The following TGIF2 variants were observed in gnomAD, a reference collection of about 807,000 sequenced individuals.
TGIF2 encodes TGFB induced factor homeobox 2, also known as homeobox protein TGIF2.
Under a neutral mutation model 15.1 loss-of-function variants are expected in TGIF2, and 5 were observed. The observed-to-expected ratio is 0.33, with a 90% CI of 0.17 to 0.70. The LOEUF (loss-of-function observed/expected upper bound fraction) is 0.70. Ranked by LOEUF, TGIF2 falls within the 30% of genes least tolerant of loss-of-function variation. The pLI is 0.67. For synonymous variants in TGIF2, 131 were observed against 128.9 expected, an observed-to-expected ratio of 1.02 and a Z score of -0.11; for missense variants, 264 against 302.5, an observed-to-expected ratio of 0.87 and a Z score of 0.94.
chr20:36,586,696 C>CA (rs1397509937), intron 2 of TGIF2, among the ~76,000 whole-genome samples: 6 of 142,082 alleles, frequency 4.2e-5, no homozygotes, highest in South Asian at 2.4e-4. Context: ...CTCCATTTCC[C>CA]CCCCCCCAAA....
intron 2 of TGIF2, among the ~76,000 whole-genome samples, chr20:36,585,479 A>C (rs886594182): frequency 2.0e-5 from 3 of 151,032 alleles, no homozygotes; most frequent in South Asian, 2.1e-4. Flanking sequence ...AAAAAAAAAA[A>C]AAAAAAAAAC....
intron 1 of TGIF2, among the ~76,000 whole-genome samples, chr20:36,578,224 C>T (rs1767255110): frequency 6.6e-6 from 1 of 151,794 alleles, no homozygotes; most frequent in South Asian, 2.1e-4. Context: ...CCAGCCTGGC[C>T]AATATGGTGA....
chr20:36,580,503 C>A (rs1292024944), intron 2 of TGIF2, among the ~76,000 whole-genome samples: 2 of 151,852 alleles, frequency 1.3e-5, no homozygotes, highest in South Asian at 2.1e-4. Context: ...GAGAAAGGGA[C>A]GAGAAGAAGA....
chr20:36,578,437 A>G (rs2038476416), intron 1 of TGIF2, among the ~76,000 whole-genome samples: 1 of 152,042 alleles, frequency 6.6e-6, no homozygotes, highest in African/African-American at 2.4e-5. Flanking sequence ...AAGAAAAGAA[A>G]AAACCAAATG....
chr20:36,574,465 G>A (rs1372152015), intron 1 of TGIF2: 1 of 149,720 alleles, frequency 6.7e-6, no homozygotes, highest in East Asian at 2.0e-4. Flanking sequence ...GCGCGGAGGT[G>A]GGAGCCCAGC....
At chr20:36,581,895 C>T (rs2038553263) in intron 2 of TGIF2, among the ~76,000 whole-genome samples, 1 of 152,128 alleles carries the variant, frequency 6.6e-6, no homozygotes, top group South Asian at 2.1e-4. Context: ...TCCCAAAGTG[C>T]TGGGATTACA....
At chr20:36,579,194 C>T (rs1393709434) in intron 2 of TGIF2, among the ~76,000 whole-genome samples, 1 of 151,860 alleles carries the variant, frequency 6.6e-6, no homozygotes, top group Non-Finnish European at 1.5e-5. Context: ...TTTTTTGAGA[C>T]GGAGTCTTGC....
rs528805182 is a variant in TGIF2, at chr20:36,575,555, C to G, written c.-35+1810C>G. Among the ~76,000 whole-genome samples, 13 of 152,318 alleles carry G rather than the reference C, an allele frequency of 8.5e-5. No homozygotes were observed. In the East Asian group the frequency reaches 2.5e-3, roughly 29 times the overall value. On this transcript the variant is annotated intron_variant, in intron 1 of 2. Coordinates refer to ENST00000373872, the MANE Select transcript of TGIF2 (RefSeq NM_021809.7). ...AGAAAGCAGCCTGCAGTGGTGCTCTCTGAGGAGTGGCACGTCTAACCAGTG... is the reference window on the plus strand; with the variant it reads ...AGAAAGCAGCCTGCAGTGGTGCTCTGTGAGGAGTGGCACGTCTAACCAGTG...
intron 2 of TGIF2, among the ~76,000 whole-genome samples, chr20:36,582,169 G>A (rs996826553): frequency 2.6e-5 from 4 of 152,006 alleles, no homozygotes; most frequent in East Asian, 2.0e-4. Context: ...CCCGGGAGGC[G>A]GAGGTTGCGG....
rs749815358 is a variant in TGIF2, at chr20:36,591,313, A to G, written c.596A>G (p.Gln199Arg). The change falls in exon 3 of 3, where the codon CAG becomes CGG. Residue 199 changes from glutamine to arginine, a missense_variant. Physicochemically the swap from Gln to Arg is conservative, Grantham distance 43. Transcript: ENST00000373872. The surrounding 1 kb of genome is among the most constrained non-coding windows in gnomAD (Gnocchi z 5.3). Reference sequence around the variant, plus strand: ...GACAAAGAGGACTTCAGCAGCTTCCAGCTGCTGGTGGAGGTGGCGCTACAG... The same window carrying G: ...GACAAAGAGGACTTCAGCAGCTTCCGGCTGCTGGTGGAGGTGGCGCTACAG... ...EQDKEDFSSF[Q>R]LLVEVALQRA... 6.2e-7 allele frequency: 1 copy of G among 1,614,094 alleles called. No individual in the cohort carries two copies. The highest frequency in any genetic ancestry group is 1.3e-5 in the African/African-American group (1 of 74,942).
At chr20:36,578,998 G>A in intron 2 of TGIF2, 32 bp downstream of exon 2, 1 of 1,601,772 alleles carries the variant, frequency 6.2e-7, no homozygotes, top group Non-Finnish European at 8.5e-7. Context: ...GGGGGTGGCA[G>A]GAGGACCTGG....
chr20:36,585,662 G>A (rs1039158834), intron 2 of TGIF2, among the ~76,000 whole-genome samples: 1 of 152,024 alleles, frequency 6.6e-6, no homozygotes, highest in African/African-American at 2.4e-5. Context: ...TCAACTAACT[G>A]GTTTGCTGGT....
chr20:36,583,282 C>A (rs1037443999), intron 2 of TGIF2, among the ~76,000 whole-genome samples: 95 of 145,360 alleles, frequency 6.5e-4, no homozygotes, highest in East Asian at 4.1e-3. Context: ...AAAAAAAAAA[C>A]AAACAAACAA....
chr20:36,591,308 C>T lies in TGIF2; in HGVS notation c.591C>T (p.Ser197=). 1 of 1,614,222 alleles carries T rather than the reference C, an allele frequency of 6.2e-7. No individual in the cohort carries two copies. Among genetic ancestry groups the T allele is most frequent in the Non-Finnish European group, 8.5e-7 (1 of 1,180,040 alleles). The change falls in exon 3 of 3, where the codon AGC becomes AGT. Residue 197 remains serine, a synonymous_variant. Coordinates refer to ENST00000373872, the MANE Select transcript of TGIF2 (RefSeq NM_021809.7). The surrounding 1 kb of genome is among the most constrained non-coding windows in gnomAD (Gnocchi z 5.3). ...PPEQDKEDFS[S]FQLLVEVALQ... ...AGCAGGACAAAGAGGACTTCAGCAG[C>T]TTCCAGCTGCTGGTGGAGGTGGCGC...
chr20:36,588,352 CT>C (rs2038701802), intron 2 of TGIF2, among the ~76,000 whole-genome samples: 2 of 138,068 alleles, frequency 1.4e-5, no homozygotes, highest in East Asian at 2.1e-4. Context: ...TGAGCCCTTC[CT>C]TCTTTTTTTT....
Position 36,584,711 on chromosome 20 carries a change from TA to T in TGIF2, c.192+5747del, listed in dbSNP as rs892565916. 2.0e-5 allele frequency among the ~76,000 whole-genome samples: 3 copies of T among 151,990 alleles called. No individual in the cohort carries two copies. In the South Asian group the frequency reaches 6.2e-4, roughly 32 times the overall value. ...ACAGGCACCTGCCACCAGGCTGAGC[TA>T]ATTTTTGTAGTTTTAGTAAAGACAG... On this transcript the variant is annotated intron_variant, in intron 2 of 2. Transcript: ENST00000373872.
intron 2 of TGIF2, among the ~76,000 whole-genome samples, chr20:36,585,800 G>C (rs1223340761): frequency 6.6e-6 from 1 of 152,152 alleles, no homozygotes; most frequent in Non-Finnish European, 1.5e-5. Context: ...TACCTGGCAG[G>C]GTTCTGGGCC....
chr20:36,586,360 T>G (rs2038658230), intron 2 of TGIF2, among the ~76,000 whole-genome samples: 2 of 151,970 alleles, frequency 1.3e-5, no homozygotes, highest in South Asian at 4.1e-4. Flanking sequence ...TCACCCCCAC[T>G]AGATCAATAA....
At chr20:36,586,702 C>CG (rs1256446801) in intron 2 of TGIF2, among the ~76,000 whole-genome samples, 59 of 138,888 alleles carry the variant, frequency 4.2e-4, no homozygotes, top group African/African-American at 1.5e-3. Flanking sequence ...TTCCCCCCCC[C>CG]CAAAAAAAAA....
Sources: allele counts gnomAD v4.1 joint callset (sites outside exome capture counted in the v4.1 genomes callset), GRCh38; gene constraint gnomAD v4.1.1; non-coding constraint Gnocchi (gnomAD v3.1); transcripts MANE v1.5; gene names NCBI Gene and HGNC (gene_info 2026-07-23, HGNC 2026-07-21).